The following BBX variants were observed in gnomAD, a reference collection of about 807,000 sequenced individuals.
BBX encodes the protein HMG box transcription factor BBX.
BBX carries 30 observed loss-of-function variants against 100.2 expected under a neutral mutation model. The observed-to-expected ratio is 0.30, with a 90% CI of 0.22 to 0.41. The LOEUF (loss-of-function observed/expected upper bound fraction) is 0.41. Ranked by LOEUF, BBX falls within the 10% of genes least tolerant of loss-of-function variation. The pLI is 1.00. For missense variants in BBX, 1,023 were observed against 1,129.8 expected (o/e 0.91, Z 1.35); for synonymous variants, 376 against 388.1 (o/e 0.97, Z 0.37).
intron 3 of BBX, among the ~76,000 whole-genome samples, chr3:107,699,918 G>A (rs1348650521): frequency 6.6e-6 from 1 of 151,930 alleles, no homozygotes; most frequent in Non-Finnish European, 1.5e-5. Context: ...GTTCTTTCTA[G>A]GAAACTAATC....
At chr3:107,633,857 A>G (rs917053786) in intron 2 of BBX, among the ~76,000 whole-genome samples, 2 of 152,232 alleles carry the variant, frequency 1.3e-5, no homozygotes, top group Non-Finnish European at 2.9e-5. Flanking sequence ...TTTCCAGAGT[A>G]ACATTTTCAT....
At chr3:107,619,185 A>G (rs1023866612) in intron 2 of BBX, among the ~76,000 whole-genome samples, 1 of 152,006 alleles carries the variant, frequency 6.6e-6, no homozygotes, top group Non-Finnish European at 1.5e-5. Context: ...ACTTTTTCCT[A>G]TTAATATAGC....
intron 15 of BBX, among the ~76,000 whole-genome samples, chr3:107,792,858 A>T (rs1373503762): frequency 6.6e-6 from 1 of 152,180 alleles, no homozygotes; most frequent in Non-Finnish European, 1.5e-5. Context: ...ACTTAAAATG[A>T]TACTGTTCTA....
rs116032735 is a variant in BBX at position 107,629,748 on chromosome 3, A to C, written c.-83-16088A>C. On this transcript the variant is annotated intron_variant, in intron 2 of 17. Transcript: ENST00000325805. ...TTAATATAGTCAGCTGAGTTGCAAA[A>C]CATGTTTATCAAATGTGGTGGAGAA... Among the ~76,000 whole-genome samples, 654 of 152,264 alleles carry C rather than the reference A, an allele frequency of 4.3e-3. 6 individuals are homozygous for C. Among genetic ancestry groups the C allele is most frequent in the African/African-American group, 0.015 (612 of 41,550 alleles).
At chr3:107,655,023 T>C (rs1039300069) in intron 3 of BBX, among the ~76,000 whole-genome samples, 2 of 152,224 alleles carry the variant, frequency 1.3e-5, no homozygotes, top group African/African-American at 2.4e-5. Context: ...GCTATCTCTA[T>C]TCACAGCAAG....
chr3:107,570,232 T>TA (rs1181278363), intron 2 of BBX, among the ~76,000 whole-genome samples: 1 of 152,200 alleles, frequency 6.6e-6, no homozygotes, highest in African/African-American at 2.4e-5. Flanking sequence ...AACTCAGAAA[T>TA]ACGTTGCTAC....
At chr3:107,782,428 A>C (rs542829909) in intron 13 of BBX, among the ~76,000 whole-genome samples, 7 of 152,104 alleles carry the variant, frequency 4.6e-5, no homozygotes, top group Non-Finnish European at 1.0e-4. Flanking sequence ...GTTTAAAAAC[A>C]TGAAACTATA....
rs2071078124 is a variant in BBX, at chr3:107,806,539, T to G, written c.*1082T>G. The G allele has an allele frequency of 6.6e-6, 1 of 152,168 alleles. No homozygotes were observed. The highest frequency in any genetic ancestry group is 2.4e-5 in the African/African-American group (1 of 41,416). The allele number at this position is 152,168 out of a possible 1,614,324, so 9.4% of individuals were successfully genotyped here. ...TTTTTAGAGCCATTTTGAGTTTGTG[T>G]TGTTTAGGAGGTACTGAGTCAATGA... On this transcript the variant is annotated 3_prime_UTR_variant, in exon 18 of 18. Transcript: ENST00000325805.
At chr3:107,769,735 A>C (rs1476453502) in intron 10 of BBX, among the ~76,000 whole-genome samples, 2 of 152,166 alleles carry the variant, frequency 1.3e-5, no homozygotes, top group African/African-American at 4.8e-5. Flanking sequence ...TAAAAATTCA[A>C]GCAGAACTGT....
chr3:107,698,643 C>T (rs1266069312), intron 3 of BBX, among the ~76,000 whole-genome samples: 1 of 132,672 alleles, frequency 7.5e-6, no homozygotes, highest in Non-Finnish European at 1.6e-5. Flanking sequence ...CAGAGCGAGA[C>T]TCCATCTCAA....
rs540404263 is a variant in BBX at position 107,577,882 on chromosome 3, A to G, written c.-84+51484A>G. On this transcript the variant is annotated intron_variant, in intron 2 of 17. Coordinates refer to ENST00000325805, the MANE Select transcript of BBX (RefSeq NM_001142568.3). Reference sequence around the variant, plus strand: ...CGAGCCTGGCCAAGCATAGAGGGCTATATTAGAAGTACTGTCTTATCTCAA... The same window carrying G: ...CGAGCCTGGCCAAGCATAGAGGGCTGTATTAGAAGTACTGTCTTATCTCAA... 3.3e-5 allele frequency among the ~76,000 whole-genome samples: 5 copies of G among 152,268 alleles called. No homozygotes were observed. The East Asian group carries it at 9.7e-4, about 29-fold the overall frequency.
chr3:107,674,746 C>T (rs9867809), intron 3 of BBX: 16,178 of 152,684 alleles, frequency 0.11, 1,098 homozygotes, highest in Admixed American at 0.14. Context: ...TGTGATCTTA[C>T]AAAGAACTCC....
intron 2 of BBX, among the ~76,000 whole-genome samples, chr3:107,563,896 T>C (rs779383029): frequency 1.3e-5 from 2 of 152,190 alleles, no homozygotes; most frequent in Non-Finnish European, 2.9e-5. Flanking sequence ...TCAATCTTAA[T>C]GTTTTGCCAG....
At chr3:107,627,694 C>A (rs1462581268) in intron 2 of BBX, among the ~76,000 whole-genome samples, 1 of 151,476 alleles carries the variant, frequency 6.6e-6, no homozygotes, top group African/African-American at 2.4e-5. Context: ...CTAAATTGAC[C>A]ATATCTCACT....
At chr3:107,523,944 G>A (rs2047552195) in intron 1 of BBX, among the ~76,000 whole-genome samples, 1 of 151,520 alleles carries the variant, frequency 6.6e-6, no homozygotes, top group Non-Finnish European at 1.5e-5. Flanking sequence ...GGGGAGAGGG[G>A]GAAGAGGGCG....
chr3:107,547,795 A>G (rs1399996703), intron 2 of BBX, among the ~76,000 whole-genome samples: 2 of 148,166 alleles, frequency 1.3e-5, no homozygotes, highest in African/African-American at 2.5e-5. Flanking sequence ...TTTCCCTTCT[A>G]TTGATCTTAT....
In BBX at chr3:107,710,495, CAGA is replaced by C; in HGVS notation, c.38_40del (p.Glu13del). On this transcript the variant is annotated inframe_deletion, in exon 4 of 18. Transcript: ENST00000325805. ...AGTAATAGAAATAAGGATCATTCAG[CAGA>C]AGGAGAAGGGGTTGGAAAACGACCA... 1 of 1,613,300 alleles carries C rather than the reference CAGA, an allele frequency of 6.2e-7. No individual in the cohort carries two copies.
chr3:107,678,900 G>C (rs1201266363), intron 3 of BBX, among the ~76,000 whole-genome samples: 1 of 152,096 alleles, frequency 6.6e-6, no homozygotes, highest in African/African-American at 2.4e-5. Context: ...CAATGAAATA[G>C]ATACTGTTAT....
intron 2 of BBX, among the ~76,000 whole-genome samples, chr3:107,637,669 C>T (rs2056933466): frequency 6.6e-6 from 1 of 152,150 alleles, no homozygotes; most frequent in African/African-American, 2.4e-5. Flanking sequence ...ACATCAACTC[C>T]TACAAGGGCA....
Sources: allele counts gnomAD v4.1 joint callset (sites outside exome capture counted in the v4.1 genomes callset), GRCh38; gene constraint gnomAD v4.1.1; transcripts MANE v1.5; gene names NCBI Gene and HGNC (gene_info 2026-07-23, HGNC 2026-07-21).